The following DOCK9 variants were observed in gnomAD, a reference collection of about 807,000 sequenced individuals.
The protein encoded by DOCK9 is dedicator of cytokinesis protein 9.
In DOCK9, 89 loss-of-function variants were observed where a neutral mutation model predicts 263.3. The ratio of observed to expected loss-of-function variants is 0.34; its 90% confidence interval spans 0.28 to 0.40. The LOEUF (loss-of-function observed/expected upper bound fraction) is 0.40. DOCK9 is among the 10% of genes least tolerant of loss of function. DOCK9 has a pLI of 1.00. For synonymous variants in DOCK9, 976 were observed against 973.1 expected (o/e 1.00, Z -0.06); for missense variants, 2,140 against 2,603.4 (o/e 0.82, Z 3.87).
intron 45 of DOCK9, among the ~76,000 whole-genome samples, chr13:98,813,461 C>T (rs2091515078): frequency 6.6e-6 from 1 of 152,038 alleles, no homozygotes; most frequent in Non-Finnish European, 1.5e-5. Flanking sequence ...CTGTATGCAT[C>T]TACTGAGAAA....
intron 11 of DOCK9, 28 bp downstream of exon 11, chr13:98,902,944 A>G: frequency 2.7e-6 from 4 of 1,480,438 alleles, no homozygotes; most frequent in Non-Finnish European, 3.6e-6. Context: ...TTTTTTTTTT[A>G]ATGTTTATTT....
At chr13:99,067,845 A>C (rs2041488854) in intron 1 of DOCK9, among the ~76,000 whole-genome samples, 1 of 151,346 alleles carries the variant, frequency 6.6e-6, no homozygotes, top group South Asian at 2.1e-4. Flanking sequence ...CAAGATGCCA[A>C]GATTCCACAT....
At chr13:98,818,053 T>C (rs2092017680) in intron 45 of DOCK9, among the ~76,000 whole-genome samples, 2 of 152,190 alleles carry the variant, frequency 1.3e-5, no homozygotes, top group Non-Finnish European at 2.9e-5. Flanking sequence ...TATTATACAC[T>C]ATAAAAAGCA....
At chr13:98,851,476 C>T (rs1408557452) in intron 35 of DOCK9, among the ~76,000 whole-genome samples, 1 of 152,166 alleles carries the variant, frequency 6.6e-6, no homozygotes, top group East Asian at 1.9e-4. Context: ...CCCCTGTGGC[C>T]ACCCTCAGCA....
At chr13:98,990,970 T>G (rs1879649605) in intron 1 of DOCK9, among the ~76,000 whole-genome samples, 1 of 152,200 alleles carries the variant, frequency 6.6e-6, no homozygotes, top group Non-Finnish European at 1.5e-5. Flanking sequence ...CAGCAAGCAT[T>G]TCTTAACCAC....
chr13:98,875,115 TC>T (rs1177621181), intron 27 of DOCK9, among the ~76,000 whole-genome samples: 1 of 152,178 alleles, frequency 6.6e-6, no homozygotes, highest in Non-Finnish European at 1.5e-5. Flanking sequence ...ATATGCACCT[TC>T]CTGCACACTG....
chr13:98,971,077 C>T (rs1198076133), intron 1 of DOCK9, among the ~76,000 whole-genome samples: 1 of 152,214 alleles, frequency 6.6e-6, no homozygotes, highest in Non-Finnish European at 1.5e-5. Context: ...ATCAAAGATG[C>T]TAACACTAGA....
intron 1 of DOCK9, among the ~76,000 whole-genome samples, chr13:99,006,426 T>C (rs1883346935): frequency 6.6e-6 from 1 of 152,222 alleles, no homozygotes; most frequent in Admixed American, 6.5e-5. Context: ...GTAATCTCGA[T>C]TTATAACAAC....
chr13:98,877,220 T>C (rs746959609), intron 27 of DOCK9, among the ~76,000 whole-genome samples: 1 of 152,252 alleles, frequency 6.6e-6, no homozygotes, highest in African/African-American at 2.4e-5. Context: ...TCACAGTCTA[T>C]GCTTCTGTCT....
intron 1 of DOCK9, among the ~76,000 whole-genome samples, 168 bp from the exon 2 acceptor site, chr13:98,955,719 A>G (rs549156972): frequency 6.6e-6 from 1 of 152,262 alleles, no homozygotes; most frequent in Non-Finnish European, 1.5e-5. Context: ...GGGACAAAAA[A>G]TGCTGGGTGG....
intron 45 of DOCK9, among the ~76,000 whole-genome samples, chr13:98,811,230 G>T (rs2091268327): frequency 6.6e-6 from 1 of 152,234 alleles, no homozygotes; most frequent in Middle Eastern, 3.2e-3. Flanking sequence ...TTTCATTAAT[G>T]ATGCTGAATT....
chr13:99,018,471 T>C (rs1198190756), intron 1 of DOCK9, among the ~76,000 whole-genome samples: 1 of 152,262 alleles, frequency 6.6e-6, no homozygotes, highest in African/African-American at 2.4e-5. Context: ...TTACCCTGTT[T>C]GTGGTATTCT....
intron 45 of DOCK9, among the ~76,000 whole-genome samples, chr13:98,817,268 T>C (rs2091928558): frequency 6.6e-6 from 1 of 152,186 alleles, no homozygotes; most frequent in South Asian, 2.1e-4. Flanking sequence ...AGACAGGTCT[T>C]GCATGTAAGA....
In DOCK9 at chr13:98,853,420, T is replaced by C. The variant is rs2093625130; in HGVS notation, c.3934A>G (p.Ser1312Gly). The C allele has an allele frequency of 1.2e-6, 2 of 1,606,092 alleles. No individual in the cohort carries two copies. The highest frequency in any genetic ancestry group is 1.7e-6 in the Non-Finnish European group (2 of 1,176,192). Residue 1312 changes from serine to glycine, a missense_variant, in exon 35 of 53, where the codon AGC becomes GGC. Coordinates refer to ENST00000682017, the MANE Select transcript of DOCK9 (RefSeq NM_001366683.2). ...TTTTTTAACCTACCATCAGACATGC[T>C]CTTTAAGATGTAGAGGAAACACATC... ...LLMCFLYILK[S>G]MSDDALFTYW...
At chr13:98,963,402 AAACT>A (rs1317805005) in intron 1 of DOCK9, among the ~76,000 whole-genome samples, 1 of 152,248 alleles carries the variant, frequency 6.6e-6, no homozygotes, top group Non-Finnish European at 1.5e-5. Flanking sequence ...GTTCGCCCAC[AAACT>A]GAGTTCAGTT....
chr13:98,880,020 A>G (rs2044483897), intron 26 of DOCK9, 51 bp from the exon 27 acceptor site: 1 of 1,393,154 alleles, frequency 7.2e-7, no homozygotes, highest in Non-Finnish European at 9.9e-7. Context: ...ACTGGTAGGT[A>G]AGACATGAAC....
chr13:98,862,957 G>C (rs1022946965), intron 32 of DOCK9, 62 bp downstream of exon 32: 1 of 1,424,842 alleles, frequency 7.0e-7, no homozygotes, highest in Admixed American at 2.0e-5. Flanking sequence ...AGCTTATGGC[G>C]CTTTGTCCTG....
chr13:98,986,212 T>A (rs1878412552), intron 1 of DOCK9, among the ~76,000 whole-genome samples: 2 of 152,378 alleles, frequency 1.3e-5, no homozygotes, highest in South Asian at 4.1e-4. Flanking sequence ...TATATTTGTA[T>A]GTTAAACTTA....
chr13:98,947,302 C>T lies in DOCK9; in HGVS notation c.243+8133G>A, dbSNP rs1235814343. On this transcript the variant is annotated intron_variant, in intron 2 of 52. Transcript: ENST00000682017. ...CACCTCACAAAGCTGAGTCCTTTCA[C>T]AAGTCGTTTAAGAATAAACATAAGT... Among the ~76,000 whole-genome samples the T allele has an allele frequency of 1.3e-5, 2 of 152,066 alleles. 1 individual carries two copies. Among genetic ancestry groups the T allele is most frequent in the East Asian group, 3.9e-4 (2 of 5,188 alleles).
Sources: gnomAD v4.1 joint callset for allele counts (sites outside exome capture counted in the v4.1 genomes callset) on GRCh38, gnomAD v4.1.1 for gene constraint, MANE v1.5 for transcripts, NCBI Gene and HGNC (gene_info 2026-07-23, HGNC 2026-07-21) for gene names.